The following SGCE variants were observed in gnomAD, a reference collection of about 807,000 sequenced individuals.
SGCE encodes the protein epsilon-sarcoglycan.
Under a neutral mutation model 57.8 loss-of-function variants are expected in SGCE, and 26 were observed. The observed-to-expected ratio is 0.45, with a 90% confidence interval of 0.33 to 0.62. SGCE has a LOEUF of 0.62. Among genes scored for constraint, SGCE ranks in the 20% least tolerant of loss-of-function variants. The pLI is 0.02. For missense variants in SGCE, 468 were observed against 548.6 expected (o/e 0.85, Z 1.47); for synonymous variants, 183 against 189.5 (o/e 0.97, Z 0.28).
At position 94,656,078 on chromosome 7, in the gene SGCE, C is replaced by T. The variant is rs201378067; in HGVS notation, c.21G>A (p.Trp7Ter). 131 of 1,611,498 alleles carry T rather than the reference C, an allele frequency of 8.1e-5. No homozygotes were observed. Among genetic ancestry groups the T allele is most frequent in the Non-Finnish European group, 7.8e-5 (92 of 1,177,796 alleles). The change falls in exon 1 of 11, where the codon TGG (tryptophan) becomes TGA (stop). Residue 7 changes from tryptophan (W) to a stop codon, truncating the protein, a stop_gained. Transcript: ENST00000648936. LOFTEE classifies it high-confidence loss of function. Reference sequence around the variant, plus strand: ...TCCAAGCACAGGGGTCTCCCAGCTCCCACCACCGGGGCAATTGCATTCTTG... The same window carrying T: ...TCCAAGCACAGGGGTCTCCCAGCTCTCACCACCGGGGCAATTGCATTCTTG... MQLPRW[W>*]ELGDPCAWTG...
chr7:94,586,838 A>G (rs1010026496), intron 10 of SGCE: 1 of 985,026 alleles, frequency 1.0e-6, no homozygotes, highest in African/African-American at 1.7e-5. Context: ...GCACAAACAC[A>G]CCAATCTTGC....
chr7:94,656,014 T>A lies in SGCE; in HGVS notation c.85A>T (p.Thr29Ser). The A allele has an allele frequency of 3.7e-6, 6 of 1,611,690 alleles. No individual in the cohort carries two copies. The highest frequency in any genetic ancestry group is 5.1e-6 in the Non-Finnish European group (6 of 1,178,088). ...GRGTRRMSPA[T>S]TGTFLLTVYS... ...CCTGTCAGCAAGAATGTGCCAGTGG[T>A]CGCGGGGCTCATCCTGCGTGTCCCC... The change falls in exon 1 of 11, where the codon ACC (threonine) becomes TCC (serine). Residue 29 changes from threonine (T) to serine (S), a missense_variant. By Grantham distance (58) the Thr-to-Ser change is moderately conservative (BLOSUM62 1). Transcript: ENST00000648936.
rs746070224 is a variant in SGCE at position 94,629,795 on chromosome 7, T to C, written c.156A>G (p.Pro52=). The change falls in exon 2 of 11, where the codon CCA becomes CCG. Residue 52 remains proline (P), a synonymous_variant. Coordinates refer to ENST00000648936, the MANE Select transcript of SGCE (RefSeq NM_003919.3). ...SKVHSDRNVY[P]SAGVLFVHVL... is the part of the protein sequence containing the mutation. ...CATGAACAAAGAGGACACCTGCTGA[T>C]GGGTATACATTCCGATCGGAGTGTA... is the stretch of plus-strand genomic sequence containing the variant. 2 of 1,610,782 alleles carry C rather than the reference T, an allele frequency of 1.2e-6. No individual in the cohort carries two copies. Among genetic ancestry groups the C allele is most frequent in the African/African-American group, 2.7e-5 (2 of 74,758 alleles).
At position 94,603,072 on chromosome 7, in the gene SGCE, G is replaced by C. The variant is rs1444638514; in HGVS notation, c.825+218C>G. Among the ~76,000 whole-genome samples the C allele has an allele frequency of 3.9e-5, 6 of 152,084 alleles. No individual in the cohort carries two copies. In the East Asian group the frequency reaches 1.2e-3, roughly 29 times the overall value. ...CACCTGCCAAGCTAATCCAGCCCCA[G>C]CAATTAATCAAGGATAGAATAAGTA... On this transcript the variant is annotated intron_variant, in intron 6 of 10. Coordinates refer to ENST00000648936, the MANE Select transcript of SGCE (RefSeq NM_003919.3).
chr7:94,642,543 G>C (rs949364903), intron 1 of SGCE, among the ~76,000 whole-genome samples: 2 of 152,118 alleles, frequency 1.3e-5, no homozygotes, highest in African/African-American at 4.8e-5. Context: ...GGAGAGTCTA[G>C]GTAGATGGGT....
intron 1 of SGCE, among the ~76,000 whole-genome samples, chr7:94,645,951 AT>A: frequency 6.6e-6 from 1 of 152,154 alleles, no homozygotes; most frequent in Non-Finnish European, 1.5e-5. Flanking sequence ...CTGCACTCTC[AT>A]TTTTTTCCAC....
chr7:94,631,077 CAGAG>C (rs1180038176), intron 1 of SGCE, among the ~76,000 whole-genome samples: 4 of 151,854 alleles, frequency 2.6e-5, no homozygotes, highest in Non-Finnish European at 5.9e-5. Context: ...GGCTGTGTAA[CAGAG>C]GGAAGGAAGC....
chr7:94,622,661 G>A (rs1001452080), intron 4 of SGCE: 3 of 151,106 alleles, frequency 2.0e-5, no homozygotes, highest in Non-Finnish European at 3.0e-5. Context: ...TAACTACAAA[G>A]TATTTGGTGA....
chr7:94,587,714 G>T (rs188711194), intron 10 of SGCE: 21 of 1,534,182 alleles, frequency 1.4e-5, no homozygotes, highest in Non-Finnish European at 1.8e-5. Context: ...AATCAAAATT[G>T]TAGGGAAAAA....
chr7:94,612,117 A>C (rs1801133225), intron 5 of SGCE, among the ~76,000 whole-genome samples: 1 of 152,232 alleles, frequency 6.6e-6, no homozygotes, highest in Non-Finnish European at 1.5e-5. Flanking sequence ...GACCGAGATT[A>C]AATGAATGTT....
In SGCE at chr7:94,633,828, A is replaced by G. The variant is rs143439692; in HGVS notation, c.110-3987T>C. Among the ~76,000 whole-genome samples, 12 of 152,298 alleles carry G rather than the reference A, an allele frequency of 7.9e-5. 1 individual carries two copies. The East Asian group carries it at 1.7e-3, about 22-fold the overall frequency. ...TACGCTGCCAATGAATCCACAGCATATAACTTCACAATTCTCACAATGATT... is the reference window on the plus strand; with the variant it reads ...TACGCTGCCAATGAATCCACAGCATGTAACTTCACAATTCTCACAATGATT... On this transcript the variant is annotated intron_variant, in intron 1 of 10. Coordinates refer to ENST00000648936, the MANE Select transcript of SGCE (RefSeq NM_003919.3).
At chr7:94,594,982 T>C (rs1416173458) in intron 9 of SGCE, among the ~76,000 whole-genome samples, 2 of 152,124 alleles carry the variant, frequency 1.3e-5, no homozygotes, top group Non-Finnish European at 2.9e-5. Context: ...TTCATTTTGC[T>C]TATAACCTGA....
chr7:94,601,386 A>C (rs1161573365), intron 6 of SGCE, among the ~76,000 whole-genome samples: 1 of 145,768 alleles, frequency 6.9e-6, no homozygotes, highest in Non-Finnish European at 1.5e-5. Flanking sequence ...ACTTTTATGG[A>C]AGATAGTCTA....
intron 5 of SGCE, among the ~76,000 whole-genome samples, chr7:94,615,452 T>C (rs1388222591): frequency 6.6e-6 from 1 of 152,086 alleles, no homozygotes; most frequent in African/African-American, 2.4e-5. Flanking sequence ...TTACCATAGA[T>C]AGAGACAATT....
intron 3 of SGCE, chr7:94,627,688 A>G (rs1244962483): frequency 6.5e-6 from 1 of 154,412 alleles, no homozygotes; most frequent in South Asian, 2.0e-4. Flanking sequence ...CCTTCTTACT[A>G]TAGCAGTTAT....
At chr7:94,604,843 AT>A (rs1562815414) in intron 5 of SGCE, among the ~76,000 whole-genome samples, 45 of 75,530 alleles carry the variant, frequency 6.0e-4, no homozygotes, top group Non-Finnish European at 1.1e-3. Flanking sequence ...ATATATATAT[AT>A]ATATATATAT....
chr7:94,600,021 T>A (rs1001938879), intron 7 of SGCE: 29 of 288,408 alleles, frequency 1.0e-4, no homozygotes, highest in Non-Finnish European at 1.7e-4. Flanking sequence ...ATGAAAGAAT[T>A]TGTTACTTGC....
At chr7:94,630,588 CATATG>C (rs1372717169) in intron 1 of SGCE, among the ~76,000 whole-genome samples, 1 of 151,856 alleles carries the variant, frequency 6.6e-6, no homozygotes, top group Non-Finnish European at 1.5e-5. Flanking sequence ...TTACTTAAGA[CATATG>C]ATATGAGTAC....
intron 1 of SGCE, among the ~76,000 whole-genome samples, chr7:94,649,011 TC>T (rs1398444408): frequency 1.3e-5 from 2 of 152,160 alleles, no homozygotes; most frequent in African/African-American, 4.8e-5. Context: ...GCTGCCTAAC[TC>T]CTATACATTT....
Sources: gnomAD v4.1 joint callset for allele counts (sites outside exome capture counted in the v4.1 genomes callset) on GRCh38, gnomAD v4.1.1 for gene constraint, MANE v1.5 for transcripts, NCBI Gene and HGNC (gene_info 2026-07-23, HGNC 2026-07-21) for gene names.